TSTD2: variants seen among roughly 807,000 people sequenced by gnomAD.
TSTD2 encodes the protein thiosulfate sulfurtransferase/rhodanese-like domain-containing protein 2.
TSTD2 carries 37 observed loss-of-function variants against 47.9 expected under a neutral mutation model. The observed-to-expected ratio is 0.77, with a 90% CI of 0.59 to 1.02. The LOEUF (loss-of-function observed/expected upper bound fraction) is 1.02, where lower values mean the gene tolerates loss of function less well. TSTD2 is among the 50% of genes least tolerant of loss of function. The pLI, the probability that TSTD2 is intolerant of heterozygous loss-of-function variation, is 0.00. For synonymous variants in TSTD2, 201 were observed against 215.9 expected, an observed-to-expected ratio of 0.93 and a Z score of 0.61; for missense variants, 586 against 616.0, an observed-to-expected ratio of 0.95 and a Z score of 0.52.
At chr9:97,631,434 A>G (rs1826808917) in intron 1 of TSTD2, among the ~76,000 whole-genome samples, 1 of 152,008 alleles carries the variant, frequency 6.6e-6, no homozygotes, top group African/African-American at 2.4e-5. Context: ...TTTGCTTTTG[A>G]AGTACAATCC....
In TSTD2 at chr9:97,605,549, C is replaced by A. The variant is rs770893453; in HGVS notation, c.1047G>T (p.Lys349Asn). The A allele has an allele frequency of 1.9e-6, 3 of 1,614,120 alleles. No homozygotes were observed. Among genetic ancestry groups the A allele is most frequent in the Non-Finnish European group, 2.5e-6 (3 of 1,180,052 alleles). Residue 349 changes from lysine to asparagine, a missense_variant, in exon 8 of 10, where the codon AAG becomes AAT. Transcript: ENST00000341170. ...VDKNLELFREKRVLMYCTGGI... is the reference protein window; with the variant it reads ...VDKNLELFRENRVLMYCTGGI... ...CCCCGGTACAGTACATCAGCACTCT[C>A]TTCTCTCTGAAAAGTTCTAGATTTT...
intron 4 of TSTD2, among the ~76,000 whole-genome samples, chr9:97,612,545 G>A (rs899193439): frequency 2.6e-5 from 4 of 152,192 alleles, no homozygotes; most frequent in Non-Finnish European, 5.9e-5. Flanking sequence ...CATTCTGACA[G>A]GTGTGAGATG....
At chr9:97,611,783 T>A (rs1826465319) in intron 4 of TSTD2, 84 bp from the exon 5 acceptor site, 15 of 1,406,830 alleles carry the variant, frequency 1.1e-5, no homozygotes, top group Admixed American at 3.6e-5. Context: ...CTCATGTGTG[T>A]CAATGAGTTT....
rs1826224901 is a variant in TSTD2 at position 97,600,265 on chromosome 9, A to G, written c.*2204T>C. On this transcript the variant is annotated 3_prime_UTR_variant, in exon 10 of 10. Coordinates refer to ENST00000341170, the MANE Select transcript of TSTD2 (RefSeq NM_139246.5). ...ACAGATAGACAGACTGAAGCCACTG[A>G]ACTCTGCCAGGAGTCAACATGAGAT... 1.0e-6 allele frequency: 1 copy of G among 986,826 alleles called. No individual in the cohort carries two copies. The allele number at this position is 986,826 out of a possible 1,614,324, so 61.1% of individuals were successfully genotyped here.
At chr9:97,608,243 C>G (rs1332772348) in intron 6 of TSTD2, among the ~76,000 whole-genome samples, 1 of 152,086 alleles carries the variant, frequency 6.6e-6, no homozygotes, top group Non-Finnish European at 1.5e-5. Context: ...CTGCAGGAAG[C>G]CACAGGAAAC....
In TSTD2 at chr9:97,601,300, C is replaced by T. The variant is rs898614206; in HGVS notation, c.*1169G>A. 2 of 1,174,748 alleles carry T rather than the reference C, an allele frequency of 1.7e-6. No individual in the cohort carries two copies. The highest frequency in any genetic ancestry group is 1.6e-5 in the South Asian group (1 of 62,162). 72.8% of individuals were successfully genotyped at this position (1,174,748 alleles called of 1,614,324 possible). ...GGAACCTGTGTGACAGGGACATGTG[C>T]CTGGCACACTGGCCAGAAGACTGGG... On this transcript the variant is annotated 3_prime_UTR_variant, in exon 10 of 10. Coordinates refer to ENST00000341170, the MANE Select transcript of TSTD2 (RefSeq NM_139246.5).
intron 5 of TSTD2, among the ~76,000 whole-genome samples, 171 bp downstream of exon 5, chr9:97,611,403 C>G (rs1826456337): frequency 6.6e-6 from 1 of 151,830 alleles, no homozygotes; most frequent in Non-Finnish European, 1.5e-5. Context: ...GGTGACAGAG[C>G]AAGACCCTGT....
chr9:97,620,331 C>T (rs189051672), intron 3 of TSTD2, among the ~76,000 whole-genome samples: 9 of 152,296 alleles, frequency 5.9e-5, no homozygotes, highest in Non-Finnish European at 1.2e-4. Flanking sequence ...TGTGGCCTCC[C>T]CTGCCATGTG....
At chr9:97,605,353 G>A (rs947941930) in intron 8 of TSTD2, 130 bp downstream of exon 8, 47 of 1,071,926 alleles carry the variant, frequency 4.4e-5, no homozygotes, top group Middle Eastern at 6.2e-4. Context: ...GGAGCCATAC[G>A]AGGGGTGAAG....
At chr9:97,624,877 A>T (rs903955923) in intron 3 of TSTD2, among the ~76,000 whole-genome samples, 7 of 152,224 alleles carry the variant, frequency 4.6e-5, no homozygotes, top group African/African-American at 1.7e-4. Context: ...TTTTCTGGAT[A>T]CGTATATTTG....
chr9:97,608,331 G>A (rs1269827878), intron 6 of TSTD2, among the ~76,000 whole-genome samples: 1 of 152,132 alleles, frequency 6.6e-6, no homozygotes, highest in African/African-American at 2.4e-5. Flanking sequence ...GACCAGCATG[G>A]ATGTGTTTAA....
intron 3 of TSTD2, among the ~76,000 whole-genome samples, chr9:97,622,778 G>A (rs1363272903): frequency 6.6e-6 from 1 of 152,222 alleles, no homozygotes; most frequent in Non-Finnish European, 1.5e-5. Context: ...CTGCCCTGCT[G>A]GATTTAGGAC....
intron 3 of TSTD2, among the ~76,000 whole-genome samples, chr9:97,624,882 T>C (rs1482890198): frequency 3.9e-5 from 6 of 152,204 alleles, no homozygotes; most frequent in African/African-American, 1.4e-4. Context: ...TGGATACGTA[T>C]ATTTGAAATC....
In TSTD2 at chr9:97,600,575, A is replaced by C. The variant is rs1434037055; in HGVS notation, c.*1894T>G. 1.0e-6 allele frequency: 1 copy of C among 986,182 alleles called. No individual in the cohort carries two copies. The highest frequency in any genetic ancestry group is 6.1e-5 in the Admixed American group (1 of 16,348). 61.1% of individuals were successfully genotyped at this position (986,182 alleles called of 1,614,324 possible). ...TTATGTGAGGTAAGACACTAGAGGG[A>C]TAAATTTCCAGATCAACATGGCTAT... On this transcript the variant is annotated 3_prime_UTR_variant, in exon 10 of 10. Transcript: ENST00000341170.
chr9:97,610,162 G>C, intron 6 of TSTD2, 184 bp downstream of exon 6: 1 of 465,458 alleles, frequency 2.1e-6, no homozygotes, highest in East Asian at 3.6e-5. Flanking sequence ...GAAGAGGTGA[G>C]TCTTCAACCC....
intron 4 of TSTD2, 106 bp from the exon 5 acceptor site, chr9:97,611,805 C>A: frequency 2.5e-6 from 3 of 1,183,588 alleles, no homozygotes; most frequent in Middle Eastern, 2.0e-4. Flanking sequence ...ACAGGAAAAG[C>A]AGAGACGCTG....
rs7852246 is a variant in TSTD2, at chr9:97,608,289, C to G, written c.836-2028G>C. On this transcript the variant is annotated intron_variant, in intron 6 of 9. Coordinates refer to ENST00000341170, the MANE Select transcript of TSTD2 (RefSeq NM_139246.5). Reference sequence around the variant, plus strand: ...CCCTGCTGCTATGATTGCAGTTGTTCTACTGGCCCTGAGAACGATTGTTTG... The same window carrying G: ...CCCTGCTGCTATGATTGCAGTTGTTGTACTGGCCCTGAGAACGATTGTTTG... Among the ~76,000 whole-genome samples, 82 of 152,324 alleles carry G rather than the reference C, an allele frequency of 5.4e-4. 2 individuals carry two copies. The highest frequency in any genetic ancestry group is 1.8e-3 in the African/African-American group (76 of 41,572).
chr9:97,602,795 T>C, intron 9 of TSTD2, 28 bp from the exon 10 acceptor site: 1 of 1,579,886 alleles, frequency 6.3e-7, no homozygotes, highest in Non-Finnish European at 8.6e-7. Flanking sequence ...GCCATCATTA[T>C]AAACACATAC....
intron 1 of TSTD2, among the ~76,000 whole-genome samples, chr9:97,630,168 T>C (rs754504964): frequency 6.6e-6 from 1 of 152,160 alleles, no homozygotes; most frequent in East Asian, 1.9e-4. Flanking sequence ...CCCCATCAGA[T>C]ATCCTACTCT....
Sources: gnomAD v4.1 joint callset for allele counts (sites outside exome capture counted in the v4.1 genomes callset) on GRCh38, gnomAD v4.1.1 for gene constraint, MANE v1.5 for transcripts, NCBI Gene and HGNC (gene_info 2026-07-23, HGNC 2026-07-21) for gene names.